CNTLN: variants seen among roughly 807,000 people sequenced by gnomAD.
CNTLN encodes the protein centlein, also known as centlein, centrosomal protein.
Under a neutral mutation model 180.0 loss-of-function variants are expected in CNTLN, and 212 were observed. The observed-to-expected ratio is 1.18, with a 90% CI of 1.05 to 1.32. The LOEUF (loss-of-function observed/expected upper bound fraction) is 1.32, where lower values mean the gene tolerates loss of function less well. Ranked by LOEUF, CNTLN falls within the 40% of genes most tolerant of loss-of-function variation. CNTLN has a pLI of 0.00. For missense variants in CNTLN, 2,095 were observed against 1,610.9 expected (o/e 1.30, Z -5.14); for synonymous variants, 722 against 563.1 (o/e 1.28, Z -3.99).
chr9:17,169,195 T>G (rs1462423295), intron 2 of CNTLN, among the ~76,000 whole-genome samples: 1 of 152,098 alleles, frequency 6.6e-6, no homozygotes, highest in Non-Finnish European at 1.5e-5. Context: ...ACATGGGGTC[T>G]TGCTGTTTTG....
intron 2 of CNTLN, among the ~76,000 whole-genome samples, chr9:17,189,191 T>A (rs998151051): frequency 4.1e-5 from 6 of 145,902 alleles, no homozygotes. Flanking sequence ...CACGCCATTC[T>A]CCTGCCTCAG....
intron 5 of CNTLN, among the ~76,000 whole-genome samples, chr9:17,263,786 A>G (rs1000200504): frequency 6.9e-6 from 1 of 145,022 alleles, no homozygotes; most frequent in Non-Finnish European, 1.5e-5. Flanking sequence ...CATTTCTCTG[A>G]TGGCCAGTGA....
At chr9:17,262,998 T>C (rs950822781) in intron 5 of CNTLN, among the ~76,000 whole-genome samples, 18 of 151,406 alleles carry the variant, frequency 1.2e-4, no homozygotes, top group African/African-American at 4.4e-4. Context: ...TATTTTATAA[T>C]TGAGTTTTAA....
intron 6 of CNTLN, among the ~76,000 whole-genome samples, chr9:17,288,917 G>A (rs1244993032): frequency 8.7e-6 from 1 of 114,724 alleles, no homozygotes; most frequent in African/African-American, 3.9e-5. Flanking sequence ...CACGTGAGAT[G>A]GGTTTCCTGA....
At chr9:17,306,459 T>A (rs1467081690) in intron 7 of CNTLN, among the ~76,000 whole-genome samples, 1 of 152,174 alleles carries the variant, frequency 6.6e-6, no homozygotes, top group Admixed American at 6.5e-5. Context: ...AGTGCTCTAT[T>A]TTATGAAGCA....
intron 7 of CNTLN, chr9:17,300,058 C>G (rs1252279522): frequency 2.0e-5 from 3 of 152,056 alleles, no homozygotes; most frequent in African/African-American, 7.3e-5. Flanking sequence ...CCTTGACTTT[C>G]AAAGTTACAC....
chr9:17,383,513 T>TA (rs34248167), intron 13 of CNTLN, among the ~76,000 whole-genome samples: 6 of 150,082 alleles, frequency 4.0e-5, no homozygotes, highest in African/African-American at 7.3e-5. Context: ...GACCCTGTCT[T>TA]AAAAAAAAAT....
chr9:17,276,524 A>G (rs962302980), intron 6 of CNTLN, among the ~76,000 whole-genome samples: 2 of 152,078 alleles, frequency 1.3e-5, no homozygotes, highest in African/African-American at 4.8e-5. Flanking sequence ...ATAGTCATTT[A>G]TATTTTATTG....
downstream of CNTLN, among the ~76,000 whole-genome samples, chr9:17,508,511 G>A (rs1193782254): frequency 6.6e-6 from 1 of 152,094 alleles, no homozygotes; most frequent in East Asian, 1.9e-4. Flanking sequence ...CCACAATTGA[G>A]ATACAGAACT....
intron 3 of CNTLN, among the ~76,000 whole-genome samples, chr9:17,229,613 G>T (rs2132108934): frequency 6.6e-6 from 1 of 152,186 alleles, no homozygotes; most frequent in East Asian, 1.9e-4. Flanking sequence ...GCCTTCAACT[G>T]ATTGGATGAG....
chr9:17,392,887 A>C (rs35129748), intron 14 of CNTLN, among the ~76,000 whole-genome samples: 19,064 of 151,682 alleles, frequency 0.13, 1,662 homozygotes, highest in Non-Finnish European at 0.19. Flanking sequence ...CACTATTACA[A>C]GTAAAGTTTA....
rs12001108 is a variant in CNTLN, at chr9:17,317,985, T to C, written c.1341+8733T>C. On this transcript the variant is annotated intron_variant, in intron 8 of 25. Coordinates refer to ENST00000380647, the MANE Select transcript of CNTLN (RefSeq NM_017738.4). Reference sequence around the variant, plus strand: ...ACATGGAACCTATTGGGGTGACTTATTCAGAAGAGTGGTGAGATCTAACTG... The same window carrying C: ...ACATGGAACCTATTGGGGTGACTTACTCAGAAGAGTGGTGAGATCTAACTG... 1.4e-3 allele frequency among the ~76,000 whole-genome samples: 215 copies of C among 152,160 alleles called. 1 individual carries two copies. Among genetic ancestry groups the C allele is most frequent in the African/African-American group, 4.5e-3 (186 of 41,540 alleles).
At chr9:17,500,467 A>G (rs1315802842) in intron 25 of CNTLN, among the ~76,000 whole-genome samples, 1 of 152,230 alleles carries the variant, frequency 6.6e-6, no homozygotes, top group Non-Finnish European at 1.5e-5. Context: ...GGTCTGTGAC[A>G]TTATTACACA....
chr9:17,377,155 C>G (rs1485289427), intron 13 of CNTLN, among the ~76,000 whole-genome samples: 3 of 152,154 alleles, frequency 2.0e-5, no homozygotes, highest in Non-Finnish European at 4.4e-5. Flanking sequence ...TCTTGTCTCT[C>G]TATATAACGA....
intron 7 of CNTLN, chr9:17,301,049 G>A: frequency 2.0e-6 from 2 of 985,260 alleles, no homozygotes; most frequent in Non-Finnish European, 2.4e-6. Flanking sequence ...GCATAACTGG[G>A]GGCCTGTTCC....
chr9:17,221,449 G>C (rs1221746110), intron 2 of CNTLN, among the ~76,000 whole-genome samples: 1 of 152,048 alleles, frequency 6.6e-6, no homozygotes, highest in African/African-American at 2.4e-5. Flanking sequence ...TTGCAATTAT[G>C]TATTAAATGT....
intron 2 of CNTLN, among the ~76,000 whole-genome samples, chr9:17,201,132 G>T (rs866967546): frequency 1.3e-5 from 2 of 152,236 alleles, no homozygotes; most frequent in Middle Eastern, 3.4e-3. Flanking sequence ...GATGGATTAC[G>T]TTTATTGATT....
downstream of CNTLN, among the ~76,000 whole-genome samples, chr9:17,504,360 A>G (rs1269613182): frequency 6.6e-6 from 1 of 152,204 alleles, no homozygotes; most frequent in Non-Finnish European, 1.5e-5. Flanking sequence ...TTAAAATGTA[A>G]TACCTCATTA....
chr9:17,422,883 A>G (rs1828815252), intron 18 of CNTLN, among the ~76,000 whole-genome samples: 1 of 152,128 alleles, frequency 6.6e-6, no homozygotes, highest in South Asian at 2.1e-4. Context: ...ATTCAAAGGA[A>G]TTGAGTGTTA....
Sources: allele counts gnomAD v4.1 joint callset (sites outside exome capture counted in the v4.1 genomes callset), GRCh38; gene constraint gnomAD v4.1.1; transcripts MANE v1.5; gene names NCBI Gene and HGNC (gene_info 2026-07-23, HGNC 2026-07-21).